The following PDZRN3 variants were observed in gnomAD, a reference collection of about 807,000 sequenced individuals.
PDZRN3 encodes E3 ubiquitin-protein ligase PDZRN3.
PDZRN3 carries 38 observed loss-of-function variants against 85.7 expected under a neutral mutation model. The ratio of observed to expected loss-of-function variants is 0.44; its 90% CI spans 0.34 to 0.58. The LOEUF is 0.58. PDZRN3 is among the 20% of genes least tolerant of loss of function. The pLI is 0.01. For missense variants in PDZRN3, 1,629 were observed against 1,506.4 expected, an observed-to-expected ratio of 1.08 and a Z score of -1.35; for synonymous variants, 759 against 638.0, an observed-to-expected ratio of 1.19 and a Z score of -2.86.
intron 3 of PDZRN3, among the ~76,000 whole-genome samples, chr3:73,581,302 G>A (rs1192917725): frequency 6.6e-6 from 1 of 152,146 alleles, no homozygotes; most frequent in African/African-American, 2.4e-5. Flanking sequence ...TGTTATGTTT[G>A]TCTTTGAATA....
intron 6 of PDZRN3, among the ~76,000 whole-genome samples, chr3:73,390,754 G>C (rs189859845): frequency 2.1e-4 from 32 of 152,012 alleles, no homozygotes; most frequent in Admixed American, 1.9e-3. Context: ...CTCTTCCCTT[G>C]GGGCTAAACA....
At chr3:73,591,718 T>A (rs1488866315) in intron 3 of PDZRN3, among the ~76,000 whole-genome samples, 1 of 152,166 alleles carries the variant, frequency 6.6e-6, no homozygotes, top group African/African-American at 2.4e-5. Flanking sequence ...TTTATCCACA[T>A]TTTACAGAAG....
chr3:73,521,441 G>T (rs1449025080), intron 3 of PDZRN3, among the ~76,000 whole-genome samples: 1 of 152,048 alleles, frequency 6.6e-6, no homozygotes, highest in Admixed American at 6.6e-5. Context: ...CTGCTCTGAG[G>T]TCTCTGAATT....
chr3:73,502,580 C>G (rs1405316422), intron 3 of PDZRN3, among the ~76,000 whole-genome samples: 1 of 152,180 alleles, frequency 6.6e-6, no homozygotes, highest in Non-Finnish European at 1.5e-5. Flanking sequence ...CTTGCCTTAC[C>G]CATAAGGCTG....
intron 3 of PDZRN3, chr3:73,569,116 T>C: frequency 8.1e-7 from 1 of 1,241,562 alleles, no homozygotes; most frequent in Non-Finnish European, 1.1e-6. Context: ...TCACCTATTC[T>C]AAATCACACA....
intron 1 of PDZRN3, among the ~76,000 whole-genome samples, chr3:73,620,525 C>T (rs1039822975): frequency 4.6e-5 from 7 of 151,960 alleles, no homozygotes; most frequent in South Asian, 2.1e-4. Context: ...ATCAGAGATG[C>T]CTGTCTAGGC....
rs1300281081 is a variant in PDZRN3, at chr3:73,391,108, G to A, written c.1263C>T (p.Asp421=). Residue 421 remains aspartate, a synonymous_variant, in exon 6 of 10, where the codon GAC becomes GAT. Transcript: ENST00000263666. ...DREELELEEV[D]LYRMNSQDKL... ...TGTCCTGGCTGTTCATTCTGTAGAG[G>A]TCCACTTCCTAGACAAAGAAAGGCA... 2.5e-6 allele frequency: 4 copies of A among 1,610,608 alleles called. No homozygotes were observed. The highest frequency in any genetic ancestry group is 1.7e-5 in the Admixed American group (1 of 59,992).
rs565072702 is a variant in PDZRN3 at position 73,608,427 on chromosome 3, G to C, written c.810+171C>G. 2.6e-5 allele frequency among the ~76,000 whole-genome samples: 4 copies of C among 152,262 alleles called. No homozygotes were observed. In the South Asian group the frequency reaches 8.3e-4, roughly 32 times the overall value. On this transcript the variant is annotated intron_variant, in intron 2 of 9. Coordinates refer to ENST00000263666, the MANE Select transcript of PDZRN3 (RefSeq NM_015009.3). ...GGCCAATGCTGTTTTAGGAGACTACGCAATAAAAATCCCTAAGTGTGAAGA... is the reference window on the plus strand; with the variant it reads ...GGCCAATGCTGTTTTAGGAGACTACCCAATAAAAATCCCTAAGTGTGAAGA...
chr3:73,408,050 C>A, intron 3 of PDZRN3: 1 of 660,362 alleles, frequency 1.5e-6, no homozygotes. Context: ...GCATTTCTGA[C>A]AACTGTGCCC....
intron 3 of PDZRN3, among the ~76,000 whole-genome samples, chr3:73,481,365 T>C (rs1703557362): frequency 6.6e-6 from 1 of 151,918 alleles, no homozygotes; most frequent in Non-Finnish European, 1.5e-5. Flanking sequence ...CTTTTTGAGA[T>C]GGAGTTTCAC....
intron 6 of PDZRN3, 120 bp from the exon 7 acceptor site, chr3:73,389,998 G>A (rs1048325008): frequency 1.9e-5 from 15 of 771,240 alleles, no homozygotes; most frequent in Non-Finnish European, 3.2e-5. Flanking sequence ...GTTTTGCACA[G>A]AAATAAACAA....
rs372743575 is a variant in PDZRN3 at position 73,519,786 on chromosome 3, C to T, written c.918+82568G>A. Among the ~76,000 whole-genome samples the T allele has an allele frequency of 3.7e-4, 57 of 152,250 alleles. 5 individuals are homozygous for T. Among genetic ancestry groups the T allele is most frequent in the Admixed American group, 1.9e-3 (29 of 15,300 alleles). ...TGTGATAGGAGGGCAGATTTTTATA[C>T]CTGACCCCAGAACTACTGACTCAGA... On this transcript the variant is annotated intron_variant, in intron 3 of 9. Transcript: ENST00000263666.
chr3:73,531,605 C>G (rs1704656571), intron 3 of PDZRN3, among the ~76,000 whole-genome samples: 1 of 152,196 alleles, frequency 6.6e-6, no homozygotes, highest in Admixed American at 6.5e-5. Flanking sequence ...ATCAAAGAGA[C>G]AGGCTCCTCA....
intron 3 of PDZRN3, among the ~76,000 whole-genome samples, chr3:73,460,102 T>C (rs1317582170): frequency 6.6e-6 from 1 of 152,262 alleles, no homozygotes; most frequent in Non-Finnish European, 1.5e-5. Flanking sequence ...GTATCATCTT[T>C]ACCATTTTCA....
chr3:73,436,510 T>C (rs191315377), intron 3 of PDZRN3, among the ~76,000 whole-genome samples: 34 of 152,362 alleles, frequency 2.2e-4, no homozygotes, highest in African/African-American at 8.2e-4. Context: ...CTTTAAGTTA[T>C]GTTTTTCATA....
At chr3:73,585,773 T>A (rs1702268863) in intron 3 of PDZRN3, among the ~76,000 whole-genome samples, 2 of 152,170 alleles carry the variant, frequency 1.3e-5, no homozygotes, top group South Asian at 4.1e-4. Flanking sequence ...GCTACTGATT[T>A]TATGTTGCCA....
At chr3:73,545,653 C>T (rs1349551153) in intron 3 of PDZRN3, among the ~76,000 whole-genome samples, 1 of 152,206 alleles carries the variant, frequency 6.6e-6, no homozygotes. Context: ...TCACAGGGTA[C>T]ACTCCAGAAG....
intron 3 of PDZRN3, among the ~76,000 whole-genome samples, chr3:73,588,242 G>A (rs762592847): frequency 1.2e-4 from 18 of 152,056 alleles, no homozygotes; most frequent in South Asian, 2.1e-4. Context: ...CTTCATCCAC[G>A]TCCCTGCAAA....
intron 3 of PDZRN3, among the ~76,000 whole-genome samples, chr3:73,544,915 T>C (rs1474151833): frequency 3.3e-5 from 5 of 152,144 alleles, no homozygotes; most frequent in African/African-American, 1.2e-4. Flanking sequence ...AACCCAATAC[T>C]GTGCCTCTTC....
Sources: allele counts gnomAD v4.1 joint callset (sites outside exome capture counted in the v4.1 genomes callset), GRCh38; gene constraint gnomAD v4.1.1; transcripts MANE v1.5; gene names NCBI Gene and HGNC (gene_info 2026-07-23, HGNC 2026-07-21).